KLHL14: variants seen among roughly 807,000 people sequenced by gnomAD.
KLHL14 encodes kelch like family member 14.
In KLHL14, 22 loss-of-function variants were observed where a neutral mutation model predicts 64.3. The observed-to-expected ratio is 0.34, with a 90% CI of 0.24 to 0.49. The LOEUF is 0.49. Among genes scored for constraint, KLHL14 ranks in the 20% least tolerant of loss-of-function variants. The pLI is 0.99. For synonymous variants in KLHL14, 322 were observed against 333.4 expected (o/e 0.97, Z 0.37); for missense variants, 661 against 789.0 (o/e 0.84, Z 1.94).
chr18:32,687,339 G>A (rs1287759889), intron 4 of KLHL14, 106 bp from the exon 5 acceptor site: 10 of 878,418 alleles, frequency 1.1e-5, no homozygotes, highest in Non-Finnish European at 1.7e-5. Flanking sequence ...ACAAATAGAT[G>A]AATTAAGTAG....
chr18:32,719,999 C>T (rs906057269), intron 3 of KLHL14, among the ~76,000 whole-genome samples: 4 of 152,152 alleles, frequency 2.6e-5, no homozygotes, highest in Admixed American at 6.5e-5. Flanking sequence ...TGGGCCATGT[C>T]GTATTTGTAT....
intron 3 of KLHL14, among the ~76,000 whole-genome samples, chr18:32,739,968 T>C (rs2050187619): frequency 6.6e-6 from 1 of 152,224 alleles, no homozygotes; most frequent in African/African-American, 2.4e-5. Context: ...GTGCATTCTA[T>C]GTGCTAGATG....
chr18:32,739,390 C>CAAA (rs558330930), intron 3 of KLHL14, among the ~76,000 whole-genome samples: 17 of 109,014 alleles, frequency 1.6e-4, no homozygotes, highest in African/African-American at 5.3e-4. Flanking sequence ...GGTATCTTAA[C>CAAA]AAAAAAAAAA....
rs555300460 is a variant in KLHL14 at position 32,696,382 on chromosome 18, T to C, written c.1070-830A>G. Reference sequence around the variant, plus strand: ...AAAGTACCAGAACAGGATGCTCCTGTCTCCTTTTGTGCTGTGCAGTGTTAG... The same window carrying C: ...AAAGTACCAGAACAGGATGCTCCTGCCTCCTTTTGTGCTGTGCAGTGTTAG... On this transcript the variant is annotated intron_variant, in intron 3 of 8. Coordinates refer to ENST00000359358, the MANE Select transcript of KLHL14 (RefSeq NM_020805.3). Among the ~76,000 whole-genome samples, 8 of 152,316 alleles carry C rather than the reference T, an allele frequency of 5.3e-5. No homozygotes were observed. The East Asian group carries it at 1.5e-3, about 29-fold the overall frequency.
rs12958246 is a variant in KLHL14 at position 32,699,645 on chromosome 18, T to C, written c.1070-4093A>G. ...TCACTCTACTGATTTTCAATAGGTA[T>C]GTTCATCCATCCAGCAAGTAATTAC... On this transcript the variant is annotated intron_variant, in intron 3 of 8. Coordinates refer to ENST00000359358, the MANE Select transcript of KLHL14 (RefSeq NM_020805.3). Among the ~76,000 whole-genome samples, 1,238 of 152,282 alleles carry C rather than the reference T, an allele frequency of 8.1e-3. 8 individuals are homozygous for C. The highest frequency in any genetic ancestry group is 0.013 in the Non-Finnish European group (861 of 68,018).
intron 4 of KLHL14, among the ~76,000 whole-genome samples, chr18:32,694,788 ACTC>A (rs2049928910): frequency 6.6e-6 from 1 of 151,744 alleles, no homozygotes; most frequent in Non-Finnish European, 1.5e-5. Context: ...TACAACTGCA[ACTC>A]CTCCTTCATG....
chr18:32,706,729 T>G (rs923583617), intron 3 of KLHL14, among the ~76,000 whole-genome samples: 3 of 152,178 alleles, frequency 2.0e-5, no homozygotes, highest in Non-Finnish European at 4.4e-5. Flanking sequence ...AGGTGTTTTT[T>G]TTTAAGTCGT....
chr18:32,682,595 T>C (rs533884950), intron 5 of KLHL14, among the ~76,000 whole-genome samples: 7 of 152,192 alleles, frequency 4.6e-5, no homozygotes, highest in Non-Finnish European at 1.5e-5. Flanking sequence ...ATTTTTCTGG[T>C]ATGAGGGACT....
rs1375735672 is a variant in KLHL14 at position 32,773,013 on chromosome 18, G to C, written c.-390C>G. 8.2e-6 allele frequency: 2 copies of C among 244,212 alleles called. No homozygotes were observed. The highest frequency in any genetic ancestry group is 9.9e-5 in the East Asian group (1 of 10,140). 15.1% of individuals were successfully genotyped at this position (244,212 alleles called of 1,614,324 possible). On this transcript the variant is annotated 5_prime_UTR_variant, in exon 1 of 9. Coordinates refer to ENST00000359358, the MANE Select transcript of KLHL14 (RefSeq NM_020805.3). ...CCTTGGGCCTGGGGCTCAGTGAGTC[G>C]TAACGAGAGTAATAGGAAATCCACG...
intron 3 of KLHL14, among the ~76,000 whole-genome samples, chr18:32,729,997 C>T (rs534760823): frequency 1.9e-3 from 288 of 152,314 alleles, no homozygotes; most frequent in Non-Finnish European, 3.4e-3. Flanking sequence ...CAGCTGCATA[C>T]GAGGCAGGTC....
chr18:32,741,085 A>G (rs2050194314), intron 3 of KLHL14, among the ~76,000 whole-genome samples: 1 of 152,210 alleles, frequency 6.6e-6, no homozygotes, highest in Non-Finnish European at 1.5e-5. Context: ...TATGGCTTTG[A>G]TTTATGGATT....
intron 3 of KLHL14, chr18:32,738,717 T>C (rs1414224746): frequency 6.6e-6 from 1 of 152,168 alleles, no homozygotes; most frequent in East Asian, 1.9e-4. Context: ...TTTCCTTTAC[T>C]GTTTGGGTAG....
intron 3 of KLHL14, among the ~76,000 whole-genome samples, chr18:32,706,189 C>A (rs757030726): frequency 1.3e-5 from 2 of 152,148 alleles, no homozygotes; most frequent in Non-Finnish European, 2.9e-5. Flanking sequence ...GCGTGATGTC[C>A]AGTAAGTACT....
At chr18:32,756,262 G>T (rs1362858271) in intron 2 of KLHL14, among the ~76,000 whole-genome samples, 1 of 152,226 alleles carries the variant, frequency 6.6e-6, no homozygotes, top group Non-Finnish European at 1.5e-5. Flanking sequence ...CAGCAGGAAG[G>T]CAGCTGTCTA....
intron 1 of KLHL14, chr18:32,771,157 G>C (rs1190218324): frequency 5.1e-6 from 1 of 195,872 alleles, no homozygotes; most frequent in African/African-American, 2.4e-5. Flanking sequence ...CCAGTTTGGG[G>C]GAGGGGGTAG....
chr18:32,703,140 C>T (rs531937855), intron 3 of KLHL14, among the ~76,000 whole-genome samples: 178 of 152,290 alleles, frequency 1.2e-3, no homozygotes, highest in African/African-American at 4.1e-3. Flanking sequence ...CTATGAGCCC[C>T]TGAAGGCCAG....
rs769893943 is a variant in KLHL14, at chr18:32,741,987, A to G, written c.1010T>C (p.Leu337Pro). Reference protein sequence around the residue: ...VGGLPPGPDRLPSNLVQYYDD... With the variant: ...VGGLPPGPDRPPSNLVQYYDD... Reference sequence around the variant, plus strand: ...GTAATACTGAACCAAATTGCTGGGGAGCCGGTCCGGTCCAGGAGGCAGCCC... The same window carrying G: ...GTAATACTGAACCAAATTGCTGGGGGGCCGGTCCGGTCCAGGAGGCAGCCC... Residue 337 changes from leucine to proline, a missense_variant, in exon 3 of 9, where the codon CTC becomes CCC. Coordinates refer to ENST00000359358, the MANE Select transcript of KLHL14 (RefSeq NM_020805.3). 2.5e-6 allele frequency: 4 copies of G among 1,613,158 alleles called. No individual in the cohort carries two copies. The highest frequency in any genetic ancestry group is 3.4e-6 in the Non-Finnish European group (4 of 1,179,786).
intron 3 of KLHL14, among the ~76,000 whole-genome samples, chr18:32,709,040 C>T (rs2050005161): frequency 1.3e-5 from 2 of 152,190 alleles, no homozygotes; most frequent in South Asian, 2.1e-4. Context: ...GAAAGTCCTT[C>T]TAAAACCAGA....
At chr18:32,701,313 CA>C (rs1245043699) in intron 3 of KLHL14, among the ~76,000 whole-genome samples, 13 of 152,218 alleles carry the variant, frequency 8.5e-5, no homozygotes, top group Non-Finnish European at 1.5e-4. Flanking sequence ...AAATAAATAA[CA>C]AATAGGAGCA....
Sources: gnomAD v4.1 joint callset for allele counts (sites outside exome capture counted in the v4.1 genomes callset) on GRCh38, gnomAD v4.1.1 for gene constraint, MANE v1.5 for transcripts, NCBI Gene and HGNC (gene_info 2026-07-23, HGNC 2026-07-21) for gene names.